Variants in SUGT1 observed in about 807,000 individuals in gnomAD.
SUGT1 encodes the protein protein SGT1 homolog.
SUGT1 carries 15 observed loss-of-function variants against 56.1 expected under a neutral mutation model. That is an observed-to-expected ratio of 0.27 (90% CI 0.18 to 0.41). The LOEUF (loss-of-function observed/expected upper bound fraction) is 0.41, where lower values mean the gene tolerates loss of function less well. SUGT1 is among the 10% of genes least tolerant of loss of function. The pLI, the probability that SUGT1 is intolerant of heterozygous loss-of-function variation, is 1.00. For synonymous variants in SUGT1, 123 were observed against 128.6 expected (o/e 0.96, Z 0.30); for missense variants, 347 against 382.2 (o/e 0.91, Z 0.77).
intron 5 of SUGT1, among the ~76,000 whole-genome samples, 166 bp downstream of exon 5, chr13:52,659,415 C>A (rs909147794): frequency 6.6e-6 from 1 of 151,944 alleles, no homozygotes; most frequent in Non-Finnish European, 1.5e-5. Context: ...CACTTAAAAT[C>A]GATTAAATTA....
intron 2 of SUGT1, 57 bp downstream of exon 2, chr13:52,653,160 G>A (rs1961991930): frequency 1.2e-6 from 2 of 1,608,004 alleles, no homozygotes; most frequent in Admixed American, 1.7e-5. Flanking sequence ...GGCCACTTCG[G>A]GTCCCCGCTG....
Position 52,690,213 on chromosome 13 carries a change from T to A in SUGT1, c.*2378T>A, listed in dbSNP as rs1199723436. On this transcript the variant is annotated 3_prime_UTR_variant, in exon 13 of 13. Transcript: ENST00000310528. ...AGTAGGCTAGATTGCTGCCTAAGAA[T>A]CCCACTCTAAAGTACTGCTTTGTTT... The A allele has an allele frequency of 6.6e-6, 1 of 152,130 alleles. No individual in the cohort carries two copies. Among genetic ancestry groups the A allele is most frequent in the Non-Finnish European group, 1.5e-5 (1 of 68,002 alleles). 9.4% of individuals were successfully genotyped at this position (152,130 alleles called of 1,614,324 possible).
At position 52,699,778 on chromosome 13, in the gene SUGT1, AT is replaced by A. The variant is rs1487779139; in HGVS notation, c.*11945del. The stretch of plus-strand genomic sequence containing the variant: ...GCAGCTGAAAAGAAAATTCTTAGCA[AT>A]TCATACCTTAGAAGGAACCCTGAAG... On this transcript the variant is annotated 3_prime_UTR_variant, in exon 13 of 13. Transcript: ENST00000310528. 3.9e-5 allele frequency: 6 copies of A among 152,194 alleles called. No individual in the cohort carries two copies. Among genetic ancestry groups the A allele is most frequent in the Non-Finnish European group, 8.8e-5 (6 of 68,018 alleles). The allele number at this position is 152,194 out of a possible 1,614,324, so 9.4% of individuals were successfully genotyped here. A position where few individuals can be genotyped will look rare whatever the true frequency, so the allele number is the denominator to read the frequency against.
In SUGT1 at chr13:52,688,728, A is replaced by G. The variant is rs1216812381; in HGVS notation, c.*893A>G. ...TTAGTATTTACTCTGTGCCTAGAAT[A>G]TATAGATATCATGAGAATACAAAAA... On this transcript the variant is annotated 3_prime_UTR_variant, in exon 13 of 13. Transcript: ENST00000310528. The G allele has an allele frequency of 2.0e-5, 3 of 152,202 alleles. No homozygotes were observed. The highest frequency in any genetic ancestry group is 2.9e-5 in the Non-Finnish European group (2 of 68,040). The allele number at this position is 152,202 out of a possible 1,614,324, so 9.4% of individuals were successfully genotyped here. A position where few individuals can be genotyped will look rare whatever the true frequency, so the allele number is the denominator to read the frequency against.
chr13:52,658,790 G>A (rs1038916616), intron 4 of SUGT1, among the ~76,000 whole-genome samples: 10 of 144,124 alleles, frequency 6.9e-5, no homozygotes, highest in Non-Finnish European at 1.1e-4. Context: ...TTAATTGACT[G>A]GACAACATCC....
In SUGT1 at chr13:52,652,877, C is replaced by G. The variant is rs762504565; in HGVS notation, c.-44C>G. On this transcript the variant is annotated 5_prime_UTR_variant, in exon 1 of 13. Transcript: ENST00000310528. ...CTTGGGCGGTGGTGGAGGTGGTAACCGTGATAGTAGCAGCTCCGGCGGCAG... is the reference window on the plus strand; with the variant it reads ...CTTGGGCGGTGGTGGAGGTGGTAACGGTGATAGTAGCAGCTCCGGCGGCAG... 1 of 1,602,954 alleles carries G rather than the reference C, an allele frequency of 6.2e-7. No homozygotes were observed. Among genetic ancestry groups the G allele is most frequent in the African/African-American group, 1.3e-5 (1 of 74,728 alleles).
At chr13:52,683,809 TGTG>T (rs2138173570) in intron 12 of SUGT1, among the ~76,000 whole-genome samples, 1 of 152,256 alleles carries the variant, frequency 6.6e-6, no homozygotes, top group African/African-American at 2.4e-5. Context: ...ATGGGTGACT[TGTG>T]GTTTGTTTCT....
At chr13:52,653,598 T>A (rs1232520577) in intron 2 of SUGT1, among the ~76,000 whole-genome samples, 9 of 151,862 alleles carry the variant, frequency 5.9e-5, no homozygotes, top group Non-Finnish European at 8.8e-5. Flanking sequence ...TTCATCAAAA[T>A]TTTTTTTTGG....
chr13:52,692,876 T>G lies in SUGT1; in HGVS notation c.*5041T>G, dbSNP rs1320653065. 1 of 152,188 alleles carries G rather than the reference T, an allele frequency of 6.6e-6. No homozygotes were observed. Among genetic ancestry groups the G allele is most frequent in the African/African-American group, 2.4e-5 (1 of 41,442 alleles). The allele number at this position is 152,188 out of a possible 1,614,324, so 9.4% of individuals were successfully genotyped here. On this transcript the variant is annotated 3_prime_UTR_variant, in exon 13 of 13. Transcript: ENST00000310528. Reference sequence around the variant, plus strand: ...GCTGTTTTTCTCAAATCTAGATCATTACAGAGAAACAGTGTACTTTTAACA... The same window carrying G: ...GCTGTTTTTCTCAAATCTAGATCATGACAGAGAAACAGTGTACTTTTAACA...
intron 3 of SUGT1, 183 bp from the exon 4 acceptor site, chr13:52,658,216 C>G (rs964358893): frequency 1.3e-6 from 2 of 1,509,484 alleles, no homozygotes; most frequent in Non-Finnish European, 8.8e-7. Context: ...AAATGTTAAG[C>G]CAAAAGGAAG....
chr13:52,671,729 C>G (rs1343382324), intron 10 of SUGT1, among the ~76,000 whole-genome samples: 1 of 152,158 alleles, frequency 6.6e-6, no homozygotes, highest in African/African-American at 2.4e-5. Flanking sequence ...CTAAATGAGT[C>G]AGGGCCTACT....
In SUGT1 at chr13:52,690,988, C is replaced by T. The variant is rs7337021; in HGVS notation, c.*3153C>T. 81,431 of 152,152 alleles carry T rather than the reference C, an allele frequency of 0.54. 22,028 individuals carry two copies. The highest frequency in any genetic ancestry group is 0.75 in the East Asian group (3,861 of 5,164). The allele number at this position is 152,152 out of a possible 1,614,324, so 9.4% of individuals were successfully genotyped here. A position where few individuals can be genotyped will look rare whatever the true frequency, so the allele number is the denominator to read the frequency against. ...CTAGGCTCAAGTAATCCTCTTTCCTCGGCTTCCCAAAGTGCTGGGATTACA... is the reference window on the plus strand; with the variant it reads ...CTAGGCTCAAGTAATCCTCTTTCCTTGGCTTCCCAAAGTGCTGGGATTACA... On this transcript the variant is annotated 3_prime_UTR_variant, in exon 13 of 13. Transcript: ENST00000310528.
At position 52,653,201 on chromosome 13, in the gene SUGT1, G is replaced by C; in HGVS notation, c.96+98G>C. ...CCTTCTCCCCGCACCGCCGGACAGG[G>C]ACCCAGGCTCTTGTTGATGCTGCGT... On this transcript the variant is annotated intron_variant, in intron 2 of 12. Coordinates refer to ENST00000310528, the MANE Select transcript of SUGT1 (RefSeq NM_006704.5). The C allele has an allele frequency of 2.1e-6, 3 of 1,445,634 alleles. No homozygotes were observed. The South Asian group carries it at 3.6e-5, about 17-fold the overall frequency. 89.6% of individuals were successfully genotyped at this position (1,445,634 alleles called of 1,614,324 possible). A position where few individuals can be genotyped will look rare whatever the true frequency, so the allele number is the denominator to read the frequency against.
rs1207543414 is a variant in SUGT1 at position 52,691,384 on chromosome 13, G to C, written c.*3549G>C. 1 of 151,964 alleles carries C rather than the reference G, an allele frequency of 6.6e-6. No individual in the cohort carries two copies. Among genetic ancestry groups the C allele is most frequent in the Admixed American group, 6.6e-5 (1 of 15,250 alleles). The allele number at this position is 151,964 out of a possible 1,614,324, so 9.4% of individuals were successfully genotyped here. ...TTAGTTCAGTACTTAAATATTTTTT[G>C]GCTCTTCTTTCCCACTTTACCTTTC... On this transcript the variant is annotated 3_prime_UTR_variant, in exon 13 of 13. Coordinates refer to ENST00000310528, the MANE Select transcript of SUGT1 (RefSeq NM_006704.5).
chr13:52,688,306 A>G lies in SUGT1; in HGVS notation c.*471A>G, dbSNP rs74368188. On this transcript the variant is annotated 3_prime_UTR_variant, in exon 13 of 13. Transcript: ENST00000310528. Reference sequence around the variant, plus strand: ...ATTTTTCTATGAAGATGTTTGGTTTATTTACCTTTTTCTTAAGTTTTTAAT... The same window carrying G: ...ATTTTTCTATGAAGATGTTTGGTTTGTTTACCTTTTTCTTAAGTTTTTAAT... 6.6e-6 allele frequency: 1 copy of G among 152,640 alleles called. No homozygotes were observed. Among genetic ancestry groups the G allele is most frequent in the African/African-American group, 2.4e-5 (1 of 41,558 alleles). The allele number at this position is 152,640 out of a possible 1,614,324, so 9.5% of individuals were successfully genotyped here.
Position 52,693,234 on chromosome 13 carries a change from T to C in SUGT1, c.*5399T>C, listed in dbSNP as rs1963831227. On this transcript the variant is annotated 3_prime_UTR_variant, in exon 13 of 13. Coordinates refer to ENST00000310528, the MANE Select transcript of SUGT1 (RefSeq NM_006704.5). ...TGAGACTTCTACCTATATCATTGAC[T>C]TTATTTTTTCCTATGATTAAAGGAT... 1 of 152,172 alleles carries C rather than the reference T, an allele frequency of 6.6e-6. No homozygotes were observed. Among genetic ancestry groups the C allele is most frequent in the South Asian group, 2.1e-4 (1 of 4,826 alleles). 9.4% of individuals were successfully genotyped at this position (152,172 alleles called of 1,614,324 possible). A position where few individuals can be genotyped will look rare whatever the true frequency, so the allele number is the denominator to read the frequency against.
rs929180584 is a variant in SUGT1, at chr13:52,699,869, T to C, written c.*12034T>C. ...ATTTCAAGTAAGTTTGCAAATGCAA[T>C]GCTAGTAAAAAGTATATAGAGGTAT... On this transcript the variant is annotated 3_prime_UTR_variant, in exon 13 of 13. Transcript: ENST00000310528. 6.6e-6 allele frequency: 1 copy of C among 152,204 alleles called. No homozygotes were observed. The highest frequency in any genetic ancestry group is 1.5e-5 in the Non-Finnish European group (1 of 68,020). The allele number at this position is 152,204 out of a possible 1,614,324, so 9.4% of individuals were successfully genotyped here. A position where few individuals can be genotyped will look rare whatever the true frequency, so the allele number is the denominator to read the frequency against.
At chr13:52,666,166 G>A (rs1310718584) in intron 9 of SUGT1, among the ~76,000 whole-genome samples, 2 of 152,118 alleles carry the variant, frequency 1.3e-5, no homozygotes, top group East Asian at 3.9e-4. Flanking sequence ...GCTCACTGCA[G>A]CCTCCTCCTC....
intron 11 of SUGT1, among the ~76,000 whole-genome samples, chr13:52,677,832 A>C (rs1963211072): frequency 6.6e-6 from 1 of 152,126 alleles, no homozygotes; most frequent in Non-Finnish European, 1.5e-5. Flanking sequence ...AGGTTAGATT[A>C]CTCATCTCTC....
Sources: allele counts gnomAD v4.1 joint callset (sites outside exome capture counted in the v4.1 genomes callset), GRCh38; gene constraint gnomAD v4.1.1; transcripts MANE v1.5; gene names NCBI Gene and HGNC (gene_info 2026-07-23, HGNC 2026-07-21).